Variants in SCFD2 observed in about 807,000 individuals in gnomAD.
SCFD2 encodes the protein sec1 family domain-containing protein 2.
A neutral mutation model predicts 58.9 loss-of-function variants in SCFD2; 54 were observed. That is an observed-to-expected ratio of 0.92 (90% CI 0.74 to 1.15). The LOEUF is 1.15. Among genes scored for constraint, SCFD2 ranks in the 50% most tolerant of loss-of-function variants. The pLI is 0.00. For missense variants in SCFD2, 805 were observed against 836.6 expected, an observed-to-expected ratio of 0.96 and a Z score of 0.47; for synonymous variants, 321 against 335.9, an observed-to-expected ratio of 0.96 and a Z score of 0.49.
At chr4:53,337,944 A>G (rs562570176) in intron 2 of SCFD2, among the ~76,000 whole-genome samples, 1 of 152,332 alleles carries the variant, frequency 6.6e-6, no homozygotes, top group Admixed American at 6.5e-5. Context: ...TGTAATTACA[A>G]CAGTCCTTAT....
At chr4:53,074,377 G>A (rs1723910080) in intron 5 of SCFD2, among the ~76,000 whole-genome samples, 1 of 152,154 alleles carries the variant, frequency 6.6e-6, no homozygotes, top group East Asian at 1.9e-4. Context: ...CAAAGTTATC[G>A]ATGAGGCTTG....
intron 5 of SCFD2, among the ~76,000 whole-genome samples, chr4:52,972,581 C>A (rs1239753624): frequency 6.6e-6 from 1 of 152,142 alleles, no homozygotes; most frequent in African/African-American, 2.4e-5. Flanking sequence ...GACTTTAACA[C>A]CCCACTGTCA....
chr4:53,126,516 A>G (rs182502669), intron 5 of SCFD2, among the ~76,000 whole-genome samples: 1 of 152,170 alleles, frequency 6.6e-6, no homozygotes, highest in East Asian at 1.9e-4. Context: ...GGGTTTTGCC[A>G]TGTTGGCCAG....
At chr4:53,009,416 T>C (rs950924139) in intron 5 of SCFD2, among the ~76,000 whole-genome samples, 1 of 152,198 alleles carries the variant, frequency 6.6e-6, no homozygotes, top group African/African-American at 2.4e-5. Context: ...TCTTTTAATA[T>C]CAAATGTAAA....
At chr4:53,244,352 T>G (rs76657987) in intron 4 of SCFD2, among the ~76,000 whole-genome samples, 2,776 of 151,994 alleles carry the variant, frequency 0.018, 90 homozygotes, top group African/African-American at 0.064. Context: ...AACAATCCAA[T>G]CCTCAGTAAA....
intron 5 of SCFD2, among the ~76,000 whole-genome samples, chr4:53,052,235 T>C (rs1254897419): frequency 6.6e-6 from 1 of 152,188 alleles, no homozygotes; most frequent in African/African-American, 2.4e-5. Flanking sequence ...AACTTTCTTT[T>C]AGTGTCTGGA....
intron 4 of SCFD2, among the ~76,000 whole-genome samples, chr4:53,212,270 A>G (rs764054940): frequency 6.6e-6 from 1 of 151,986 alleles, no homozygotes; most frequent in Non-Finnish European, 1.5e-5. Flanking sequence ...ATAGCTTATA[A>G]AGGACCAGGA....
At chr4:52,895,190 CT>C (rs1211873363) in intron 7 of SCFD2, among the ~76,000 whole-genome samples, 1 of 151,440 alleles carries the variant, frequency 6.6e-6, no homozygotes, top group Non-Finnish European at 1.5e-5. Context: ...TTTTTTTATA[CT>C]TTAAGTTTTA....
chr4:53,061,301 C>G (rs1723502334), intron 5 of SCFD2, among the ~76,000 whole-genome samples: 2 of 152,142 alleles, frequency 1.3e-5, no homozygotes, highest in Non-Finnish European at 2.9e-5. Flanking sequence ...GTGCTTTCCA[C>G]TGGCTCTTCT....
chr4:53,298,432 A>G (rs1732131784), intron 3 of SCFD2, among the ~76,000 whole-genome samples: 1 of 152,202 alleles, frequency 6.6e-6, no homozygotes, highest in South Asian at 2.1e-4. Context: ...TTGAGTAGGT[A>G]AACAAAGCGG....
At chr4:52,907,194 T>G (rs1161082888) in intron 7 of SCFD2, among the ~76,000 whole-genome samples, 1 of 152,194 alleles carries the variant, frequency 6.6e-6, no homozygotes, top group Non-Finnish European at 1.5e-5. Context: ...AATAGTGCTG[T>G]CCCAGAGAGA....
chr4:52,901,543 C>G (rs7680644), intron 7 of SCFD2, among the ~76,000 whole-genome samples: 1,898 of 152,248 alleles, frequency 0.012, 44 homozygotes, highest in African/African-American at 0.044. Context: ...GAAACTGAGG[C>G]CCCTCACTGC....
intron 4 of SCFD2, among the ~76,000 whole-genome samples, chr4:53,244,708 C>T (rs1730008925): frequency 6.6e-6 from 1 of 151,740 alleles, no homozygotes; most frequent in East Asian, 1.9e-4. Flanking sequence ...AGAAAACCAA[C>T]TCCAAAGCTA....
At chr4:53,006,180 C>T (rs1721967513) in intron 5 of SCFD2, among the ~76,000 whole-genome samples, 1 of 152,180 alleles carries the variant, frequency 6.6e-6, no homozygotes, top group Non-Finnish European at 1.5e-5. Context: ...TCTGAAAATT[C>T]CTGCTCTCCC....
intron 4 of SCFD2, among the ~76,000 whole-genome samples, chr4:53,155,516 T>C (rs1726653398): frequency 6.6e-6 from 1 of 152,234 alleles, no homozygotes; most frequent in Non-Finnish European, 1.5e-5. Context: ...GGTATTGTTG[T>C]AGCAGCACAG....
intron 5 of SCFD2, among the ~76,000 whole-genome samples, chr4:52,961,760 C>A (rs1434107313): frequency 6.6e-6 from 1 of 152,176 alleles, no homozygotes; most frequent in Non-Finnish European, 1.5e-5. Flanking sequence ...ATGCACAAGA[C>A]AGGAAGGAGG....
intron 5 of SCFD2, among the ~76,000 whole-genome samples, chr4:52,936,588 C>A (rs1720144081): frequency 6.6e-6 from 1 of 152,144 alleles, no homozygotes; most frequent in African/African-American, 2.4e-5. Context: ...TCTGCCAACT[C>A]AGTTTTCAGT....
intron 5 of SCFD2, among the ~76,000 whole-genome samples, chr4:53,050,306 G>A (rs1187878339): frequency 6.6e-6 from 1 of 152,236 alleles, no homozygotes; most frequent in African/African-American, 2.4e-5. Context: ...AGGCAGTCAT[G>A]AGCACTGCTT....
chr4:53,238,732 G>A (rs1344952868), intron 4 of SCFD2, among the ~76,000 whole-genome samples: 8 of 150,020 alleles, frequency 5.3e-5, no homozygotes, highest in African/African-American at 2.0e-4. Flanking sequence ...GGGGCGGCGG[G>A]GCAGAGGCGC....
Sources: gnomAD v4.1 joint callset for allele counts (sites outside exome capture counted in the v4.1 genomes callset) on GRCh38, gnomAD v4.1.1 for gene constraint, MANE v1.5 for transcripts, NCBI Gene and HGNC (gene_info 2026-07-23, HGNC 2026-07-21) for gene names.